Variants in SNTB1 observed in about 807,000 individuals in gnomAD.
SNTB1 encodes the protein syntrophin beta 1, also known as beta-1-syntrophin.
Under a neutral mutation model 48.9 loss-of-function variants are expected in SNTB1, and 36 were observed. The observed-to-expected ratio is 0.74, with a 90% confidence interval of 0.56 to 0.97. The LOEUF (loss-of-function observed/expected upper bound fraction) is 0.97. Ranked by LOEUF, SNTB1 falls within the 50% of genes least tolerant of loss-of-function variation. The probability of loss-of-function intolerance (pLI) is 0.00; values close to 1 mark genes in which losing one functional copy is unlikely to be tolerated. For synonymous variants in SNTB1, 299 were observed against 294.6 expected (o/e 1.01, Z -0.15); for missense variants, 786 against 703.4 (o/e 1.12, Z -1.33).
intron 2 of SNTB1, among the ~76,000 whole-genome samples, chr8:120,655,206 T>A (rs1014191459): frequency 6.6e-5 from 10 of 152,206 alleles, no homozygotes; most frequent in Admixed American, 5.9e-4. Flanking sequence ...GTAAACCTTT[T>A]GCGATAATGT....
intron 1 of SNTB1, among the ~76,000 whole-genome samples, chr8:120,805,631 C>T (rs1327210908): frequency 6.6e-6 from 1 of 152,092 alleles, no homozygotes; most frequent in African/African-American, 2.4e-5. Flanking sequence ...TCAGTGAGAC[C>T]TGTGTCAGAC....
chr8:120,664,614 T>C lies in SNTB1; in HGVS notation c.788+29078A>G, dbSNP rs191542873. Among the ~76,000 whole-genome samples the C allele has an allele frequency of 3.5e-4, 53 of 152,366 alleles. 1 individual carries two copies. The East Asian group carries it at 9.8e-3, about 28-fold the overall frequency. ...TTGTAGCATGTATCAATAGTTCATT[T>C]GTTTTATGGGTAAGTAATCCATTAC... On this transcript the variant is annotated intron_variant, in intron 2 of 6. Coordinates refer to ENST00000517992, the MANE Select transcript of SNTB1 (RefSeq NM_021021.4).
chr8:120,779,840 G>A (rs1340097604), intron 1 of SNTB1, among the ~76,000 whole-genome samples: 1 of 152,126 alleles, frequency 6.6e-6, no homozygotes, highest in African/African-American at 2.4e-5. Context: ...TTTCTGGGTC[G>A]TCCATGTAGG....
chr8:120,665,579 A>G (rs566160396), intron 2 of SNTB1, among the ~76,000 whole-genome samples: 185 of 152,302 alleles, frequency 1.2e-3, no homozygotes, highest in African/African-American at 4.2e-3. Context: ...TTTAGTTTTA[A>G]TGAAATCCAA....
chr8:120,654,078 T>A (rs1817458189), intron 2 of SNTB1, among the ~76,000 whole-genome samples: 1 of 113,440 alleles, frequency 8.8e-6, no homozygotes. Context: ...AAAAGTTGTC[T>A]TCTTGGCAAT....
intron 1 of SNTB1, among the ~76,000 whole-genome samples, chr8:120,723,121 A>G (rs1818694639): frequency 6.6e-6 from 1 of 152,162 alleles, no homozygotes; most frequent in African/African-American, 2.4e-5. Flanking sequence ...AATGGAGACC[A>G]TTAGTTTAGA....
rs193057679 is a variant in SNTB1, at chr8:120,557,005, G to A, written c.1137-8047C>T. On this transcript the variant is annotated intron_variant, in intron 4 of 6. Transcript: ENST00000517992. Reference sequence around the variant, plus strand: ...TGAGTTCTAAGTTAAGTAACACCAGGATTCCCAAAGGGCCATGTCTACTGC... The same window carrying A: ...TGAGTTCTAAGTTAAGTAACACCAGAATTCCCAAAGGGCCATGTCTACTGC... Among the ~76,000 whole-genome samples, 395 of 152,258 alleles carry A rather than the reference G, an allele frequency of 2.6e-3. 4 individuals carry two copies. Among genetic ancestry groups the A allele is most frequent in the South Asian group, 4.6e-3 (22 of 4,822 alleles).
At chr8:120,747,076 GA>G (rs57430323) in intron 1 of SNTB1, among the ~76,000 whole-genome samples, 19,688 of 149,576 alleles carry the variant, frequency 0.13, 1,632 homozygotes, top group African/African-American at 0.23. Flanking sequence ...AAGTAAAAAA[GA>G]AAAAAAAAGG....
At chr8:120,543,942 C>G (rs1179968959) in intron 5 of SNTB1, among the ~76,000 whole-genome samples, 1 of 140,118 alleles carries the variant, frequency 7.1e-6, no homozygotes, top group Non-Finnish European at 1.5e-5. Flanking sequence ...GCACTGCCTC[C>G]CTGTCTTGAC....
chr8:120,669,241 G>A (rs1216808776), intron 2 of SNTB1, among the ~76,000 whole-genome samples: 1 of 152,168 alleles, frequency 6.6e-6, no homozygotes, highest in Non-Finnish European at 1.5e-5. Context: ...CTGATCCTTT[G>A]TTCAAGCTTT....
rs147119387 is a variant in SNTB1 at position 120,800,579 on chromosome 8, A to G, written c.571+10694T>C. 2.0e-4 allele frequency among the ~76,000 whole-genome samples: 31 copies of G among 152,198 alleles called. No individual in the cohort carries two copies. The East Asian group carries it at 6.0e-3, about 29-fold the overall frequency. On this transcript the variant is annotated intron_variant, in intron 1 of 6. Transcript: ENST00000517992. ...GAGGATGGTCATGCATCAGACCTAG[A>G]TGGGACCAGTCCAGAGTAGCAGCGC...
At chr8:120,677,977 C>T (rs1223017404) in intron 2 of SNTB1, among the ~76,000 whole-genome samples, 3 of 151,890 alleles carry the variant, frequency 2.0e-5, no homozygotes, top group Non-Finnish European at 2.9e-5. Flanking sequence ...AAACATTTTC[C>T]GATTGTCTGA....
At chr8:120,689,337 C>A (rs1025844566) in intron 2 of SNTB1, among the ~76,000 whole-genome samples, 5 of 152,120 alleles carry the variant, frequency 3.3e-5, no homozygotes, top group Admixed American at 1.3e-4. Context: ...ATAGTTCAGG[C>A]GAGCTGCTCT....
At chr8:120,591,032 G>C (rs373884295) in intron 3 of SNTB1, among the ~76,000 whole-genome samples, 2 of 152,242 alleles carry the variant, frequency 1.3e-5, no homozygotes, top group Admixed American at 6.5e-5. Context: ...TCTCTGGAAT[G>C]AAATACCTGC....
intron 2 of SNTB1, among the ~76,000 whole-genome samples, chr8:120,663,730 T>C (rs143125161): frequency 0.01 from 1,596 of 152,194 alleles, 16 homozygotes; most frequent in Non-Finnish European, 0.017. Context: ...CTGATCAAGT[T>C]TGCATTTTAG....
intron 3 of SNTB1, among the ~76,000 whole-genome samples, chr8:120,616,714 A>G (rs944810485): frequency 6.6e-6 from 1 of 152,254 alleles, no homozygotes; most frequent in African/African-American, 2.4e-5. Flanking sequence ...ATTTGCATAA[A>G]GCCACTTAAA....
intron 1 of SNTB1, among the ~76,000 whole-genome samples, chr8:120,700,156 C>CGTGTGTGT (rs58077307): frequency 0.096 from 14,331 of 149,190 alleles, 821 homozygotes; most frequent in East Asian, 0.18. Flanking sequence ...AAAAAAATTG[C>CGTGTGTGT]GTGTGTGTGT....
intron 2 of SNTB1, among the ~76,000 whole-genome samples, chr8:120,682,097 A>G (rs1172653750): frequency 1.3e-5 from 2 of 152,158 alleles, no homozygotes; most frequent in African/African-American, 2.4e-5. Flanking sequence ...ATTAAAAAAT[A>G]AAGTAAAAAA....
At chr8:120,678,357 T>C (rs1049237687) in intron 2 of SNTB1, among the ~76,000 whole-genome samples, 16 of 152,160 alleles carry the variant, frequency 1.1e-4, no homozygotes, top group African/African-American at 3.9e-4. Context: ...TTTGTCATAA[T>C]GGAAGAATAT....
Sources: allele counts gnomAD v4.1 joint callset (sites outside exome capture counted in the v4.1 genomes callset), GRCh38; gene constraint gnomAD v4.1.1; transcripts MANE v1.5; gene names NCBI Gene and HGNC (gene_info 2026-07-23, HGNC 2026-07-21).